ADAMTS18: variants seen among roughly 807,000 people sequenced by gnomAD.
ADAMTS18 encodes the protein A disintegrin and metalloproteinase with thrombospondin motifs 18.
ADAMTS18 carries 157 observed loss-of-function variants against 165.9 expected under a neutral mutation model. The ratio of observed to expected loss-of-function variants is 0.95; its 90% CI spans 0.83 to 1.08. ADAMTS18 has a LOEUF of 1.08. Ranked by LOEUF, ADAMTS18 falls within the 50% of genes least tolerant of loss-of-function variation. The probability of loss-of-function intolerance (pLI) is 0.00; values close to 1 mark genes in which losing one functional copy is unlikely to be tolerated. For synonymous variants in ADAMTS18, 782 were observed against 578.2 expected (o/e 1.35, Z -5.06); for missense variants, 2,040 against 1,534.0 (o/e 1.33, Z -5.51).
At chr16:77,392,172 C>G (rs2057196941) in intron 3 of ADAMTS18, among the ~76,000 whole-genome samples, 2 of 152,200 alleles carry the variant, frequency 1.3e-5, no homozygotes, top group African/African-American at 2.4e-5. Context: ...ATCCACTCCT[C>G]TGCTCCAAAC....
intron 3 of ADAMTS18, among the ~76,000 whole-genome samples, chr16:77,425,554 G>C (rs2057660732): frequency 6.6e-6 from 1 of 152,154 alleles, no homozygotes; most frequent in Non-Finnish European, 1.5e-5. Context: ...GACACTTTTT[G>C]CATGTCTTTT....
At chr16:77,383,339 G>A (rs567493126) in intron 3 of ADAMTS18, among the ~76,000 whole-genome samples, 1 of 152,006 alleles carries the variant, frequency 6.6e-6, no homozygotes, top group Non-Finnish European at 1.5e-5. Context: ...CAATCCAAAT[G>A]CAGCATCTAG....
chr16:77,416,877 C>A (rs2057537500), intron 3 of ADAMTS18, among the ~76,000 whole-genome samples: 1 of 152,122 alleles, frequency 6.6e-6, no homozygotes, highest in Non-Finnish European at 1.5e-5. Context: ...TGATTTAGAA[C>A]AGTGATGGCA....
rs144345640 is a variant in ADAMTS18, at chr16:77,307,010, C to T, written c.2533-6606G>A. On this transcript the variant is annotated intron_variant, in intron 16 of 22. Transcript: ENST00000282849. The stretch of plus-strand genomic sequence containing the variant: ...GCTGGAAAGACAACACTGGGCCTCC[C>T]TGGTGTGCTGTGACATTTACTTTGT... 4.9e-4 allele frequency among the ~76,000 whole-genome samples: 74 copies of T among 152,318 alleles called. 1 individual carries two copies. The East Asian group carries it at 0.011, about 23-fold the overall frequency.
At chr16:77,429,604 TAA>T (rs1052900048) in intron 3 of ADAMTS18, among the ~76,000 whole-genome samples, 10 of 152,078 alleles carry the variant, frequency 6.6e-5, no homozygotes, top group Admixed American at 4.6e-4. Context: ...AAAAAATGGA[TAA>T]AAACATCATG....
chr16:77,300,232 A>T, intron 17 of ADAMTS18, 31 bp downstream of exon 17: 1 of 1,613,696 alleles, frequency 6.2e-7, no homozygotes, highest in Non-Finnish European at 8.5e-7. Flanking sequence ...AGAGAGACAG[A>T]CTTTGGAGAC....
intron 10 of ADAMTS18, among the ~76,000 whole-genome samples, chr16:77,352,931 C>T (rs1370762177): frequency 6.6e-6 from 1 of 151,870 alleles, no homozygotes; most frequent in African/African-American, 2.4e-5. Context: ...CCCTTCTCTA[C>T]TGAAAAAAAC....
chr16:77,430,675 T>C (rs759048938), intron 3 of ADAMTS18, among the ~76,000 whole-genome samples: 4 of 152,246 alleles, frequency 2.6e-5, no homozygotes, highest in Non-Finnish European at 2.9e-5. Flanking sequence ...GGCCTGGTGC[T>C]CAGCAGATGA....
At chr16:77,393,668 C>A (rs927331733) in intron 3 of ADAMTS18, among the ~76,000 whole-genome samples, 4 of 152,214 alleles carry the variant, frequency 2.6e-5, no homozygotes, top group African/African-American at 7.2e-5. Flanking sequence ...CTCTCCAGAA[C>A]TGGACCATGC....
intron 3 of ADAMTS18, among the ~76,000 whole-genome samples, chr16:77,382,801 G>T (rs2057050826): frequency 6.6e-6 from 1 of 152,196 alleles, no homozygotes; most frequent in Non-Finnish European, 1.5e-5. Context: ...AAGTTCACAT[G>T]GGAACATGCA....
At position 77,356,985 on chromosome 16, in the gene ADAMTS18, ATTT is replaced by A. The variant is rs4038549; in HGVS notation, c.1323-911_1323-909del. ...AGCACAGAGAAAAGTCTTTTCTGAA[ATTT>A]TTTTTTTTTTTTTTTTTTTTAGGGA... is the stretch of plus-strand genomic sequence containing the variant. On this transcript the variant is annotated intron_variant, in intron 8 of 22. Coordinates refer to ENST00000282849, the MANE Select transcript of ADAMTS18 (RefSeq NM_199355.4). Among the ~76,000 whole-genome samples, 639 of 140,512 alleles carry A rather than the reference ATTT, an allele frequency of 4.5e-3. 2 individuals carry two copies. Among genetic ancestry groups the A allele is most frequent in the Non-Finnish European group, 7.0e-3 (454 of 65,224 alleles). The allele number at this position is 140,512 out of a possible 152,430, so 92.2% of individuals were successfully genotyped here. A position where few individuals can be genotyped will look rare whatever the true frequency, so the allele number is the denominator to read the frequency against.
At chr16:77,302,946 A>C (rs918837176) in intron 16 of ADAMTS18, among the ~76,000 whole-genome samples, 10 of 152,214 alleles carry the variant, frequency 6.6e-5, no homozygotes, top group African/African-American at 2.4e-4. Context: ...AAAAACAACC[A>C]CATGTCAAGC....
chr16:77,337,957 G>T (rs545122424), intron 11 of ADAMTS18, among the ~76,000 whole-genome samples: 242 of 144,488 alleles, frequency 1.7e-3, no homozygotes, highest in African/African-American at 5.9e-3. Context: ...ATGCTGGAAT[G>T]CAGTGGTGCG....
At chr16:77,418,588 T>A (rs2057560167) in intron 3 of ADAMTS18, among the ~76,000 whole-genome samples, 1 of 152,242 alleles carries the variant, frequency 6.6e-6, no homozygotes, top group Non-Finnish European at 1.5e-5. Flanking sequence ...TTATCCATTC[T>A]AACACATCAC....
intron 3 of ADAMTS18, among the ~76,000 whole-genome samples, chr16:77,370,936 T>TTTA (rs2056867497): frequency 6.6e-6 from 1 of 152,066 alleles, no homozygotes; most frequent in Non-Finnish European, 1.5e-5. Flanking sequence ...GTTCATGGAT[T>TTTA]GAAAGAATAT....
intron 11 of ADAMTS18, among the ~76,000 whole-genome samples, chr16:77,337,674 C>T (rs2056331065): frequency 1.3e-5 from 2 of 152,122 alleles, no homozygotes; most frequent in African/African-American, 4.8e-5. Context: ...TTTTAGATCT[C>T]TTCCAGTCAT....
intron 16 of ADAMTS18, among the ~76,000 whole-genome samples, chr16:77,308,770 G>T (rs2055727641): frequency 6.6e-6 from 1 of 152,146 alleles, no homozygotes; most frequent in South Asian, 2.1e-4. Context: ...GCATATGTAT[G>T]TGTCTACTTC....
In ADAMTS18 at chr16:77,320,007, G is replaced by A. The variant is rs747773771; in HGVS notation, c.2374C>T (p.Arg792Ter). The A allele has an allele frequency of 4.3e-6, 7 of 1,614,114 alleles. No homozygotes were observed. The highest frequency in any genetic ancestry group is 1.3e-5 in the African/African-American group (1 of 75,030). Residue 792 changes from arginine to a stop codon, truncating the protein, a stop_gained, in exon 16 of 23, where the codon CGA becomes TGA. Transcript: ENST00000282849. LOFTEE classifies it high-confidence loss of function. ...AGGTAATACTTTTGACTGAGGCTTC[G>A]AACTGCGAGGTAACTGGAGGAAACC... ...LQVSSSYLAV[R>*]SLSQKYYLTG... is the part of the protein sequence containing the mutation.
chr16:77,319,189 T>G (rs780427533), intron 16 of ADAMTS18, among the ~76,000 whole-genome samples: 1 of 152,192 alleles, frequency 6.6e-6, no homozygotes, highest in South Asian at 2.1e-4. Flanking sequence ...CCTAGGCCAG[T>G]TGACCTATGT....
Sources: gnomAD v4.1 joint callset for allele counts (sites outside exome capture counted in the v4.1 genomes callset) on GRCh38, gnomAD v4.1.1 for gene constraint, MANE v1.5 for transcripts, NCBI Gene and HGNC (gene_info 2026-07-23, HGNC 2026-07-21) for gene names.